The following RRP12 variants were observed in gnomAD, a reference collection of about 807,000 sequenced individuals.
RRP12 encodes the protein RRP12-like protein.
A neutral mutation model predicts 157.3 loss-of-function variants in RRP12; 78 were observed. That is an observed-to-expected ratio of 0.50 (90% confidence interval 0.41 to 0.60). RRP12 has a LOEUF of 0.60. Among genes scored for constraint, RRP12 ranks in the 20% least tolerant of loss-of-function variants. The pLI is 0.00. For synonymous variants in RRP12, 726 were observed against 670.9 expected, an observed-to-expected ratio of 1.08 and a Z score of -1.27; for missense variants, 1,521 against 1,679.9, an observed-to-expected ratio of 0.91 and a Z score of 1.65.
chr10:97,400,225 A>G, intron 2 of RRP12, 80 bp downstream of exon 2: 1 of 1,005,732 alleles, frequency 9.9e-7, no homozygotes, highest in Non-Finnish European at 1.6e-6. Context: ...GTCATCGGAG[A>G]CCTGTCGGCC....
intron 29 of RRP12, among the ~76,000 whole-genome samples, chr10:97,364,359 T>C (rs937992984): frequency 1.3e-5 from 2 of 152,140 alleles, no homozygotes; most frequent in African/African-American, 2.4e-5. Flanking sequence ...ATATAAAGTA[T>C]GAAACTGACC....
chr10:97,358,097 G>A (rs1843756565), intron 33 of RRP12, among the ~76,000 whole-genome samples: 1 of 152,172 alleles, frequency 6.6e-6, no homozygotes, highest in South Asian at 2.1e-4. Context: ...CACTTTGGGA[G>A]GCTGAGGCAT....
At chr10:97,371,822 G>A (rs1298766202) in intron 20 of RRP12, 2 of 420,342 alleles carry the variant, frequency 4.8e-6, no homozygotes, top group Non-Finnish European at 8.8e-6. Flanking sequence ...AGGCAAAGGA[G>A]CATGGCCTTG....
intron 20 of RRP12, 154 bp downstream of exon 20, chr10:97,371,919 C>T (rs12269603): frequency 0.031 from 18,464 of 592,338 alleles, 2,038 homozygotes; most frequent in African/African-American, 0.27. Context: ...ATGGGCTACA[C>T]AGGACACAAA....
chr10:97,381,883 C>G (rs1338127714), intron 10 of RRP12, 57 bp from the exon 11 acceptor site: 1 of 1,322,344 alleles, frequency 7.6e-7, no homozygotes, highest in East Asian at 2.3e-5. Flanking sequence ...ACCCGGGCAA[C>G]CAGGGCTCAG....
chr10:97,371,184 TG>T, intron 20 of RRP12, 103 bp from the exon 21 acceptor site: 1 of 1,236,878 alleles, frequency 8.1e-7, no homozygotes. Flanking sequence ...CAGGGGTCCG[TG>T]GGGGCTCATG....
chr10:97,372,093 T>G lies in RRP12; in HGVS notation c.2323A>C (p.Thr775Pro), dbSNP rs760716087. The G allele has an allele frequency of 3.5e-5, 57 of 1,612,802 alleles. No individual in the cohort carries two copies. Among genetic ancestry groups the G allele is most frequent in the Non-Finnish European group, 4.4e-5 (52 of 1,179,462 alleles). Residue 775 changes from threonine to proline, a missense_variant, in exon 20 of 34, where the codon ACC becomes CCC. By Grantham distance (38) the Thr-to-Pro change is conservative. Coordinates refer to ENST00000370992, the MANE Select transcript of RRP12 (RefSeq NM_015179.4). ...CTCACCTCTAGGTAGGGCCGGATGG[T>G]GGAGTATAGCTTACTGATGGCAGCT... ...DEAAISKLYS[T>P]IRPYLESKAH...
At chr10:97,400,827 G>A (rs1331692707) in intron 1 of RRP12, among the ~76,000 whole-genome samples, 1 of 152,184 alleles carries the variant, frequency 6.6e-6, no homozygotes, top group African/African-American at 2.4e-5. Context: ...AACGCGCTCT[G>A]TAAAGAGCTA....
intron 11 of RRP12, 21 bp downstream of exon 11, chr10:97,381,694 C>T (rs769989152): frequency 1.9e-6 from 3 of 1,593,276 alleles, no homozygotes; most frequent in Admixed American, 1.7e-5. Flanking sequence ...CTCTCTGCTT[C>T]CTCAGCTAAA....
intron 3 of RRP12, among the ~76,000 whole-genome samples, chr10:97,394,351 T>A (rs1373859154): frequency 2.0e-5 from 3 of 151,756 alleles, no homozygotes; most frequent in South Asian, 2.1e-4. Context: ...TCAAAAAAAA[T>A]AAATAAATAA....
At chr10:97,365,928 G>A (rs1203879257) in intron 29 of RRP12, 180 bp downstream of exon 29, 2 of 774,972 alleles carry the variant, frequency 2.6e-6, no homozygotes, top group African/African-American at 3.5e-5. Context: ...AAATGGCTCG[G>A]TTACAACATA....
Position 97,396,226 on chromosome 10 carries a change from C to T in RRP12, c.445G>A (p.Ala149Thr), listed in dbSNP as rs201484063. 20 of 1,611,630 alleles carry T rather than the reference C, an allele frequency of 1.2e-5. No homozygotes were observed. The highest frequency in any genetic ancestry group is 1.6e-5 in the Non-Finnish European group (19 of 1,177,884). Reference sequence around the variant, plus strand: ...CAGTGGCACCCACTCACCAGAGCAGCGAAGTACTCAGTCTCCGTCTCCTTC... The same window carrying T: ...CAGTGGCACCCACTCACCAGAGCAGTGAAGTACTCAGTCTCCGTCTCCTTC... ...GGKETETEYF[A>T]ALMTTMEAVE... The change falls in exon 3 of 34, where the codon GCT becomes ACT. Residue 149 changes from alanine to threonine, a missense_variant. By Grantham distance (58) the Ala-to-Thr change is moderately conservative (BLOSUM62 0). Coordinates refer to ENST00000370992, the MANE Select transcript of RRP12 (RefSeq NM_015179.4).
intron 20 of RRP12, 143 bp from the exon 21 acceptor site, chr10:97,371,224 G>T: frequency 1.2e-6 from 1 of 864,636 alleles, no homozygotes; most frequent in Non-Finnish European, 1.8e-6. Context: ...GTGGAATGTG[G>T]ACAGCGAGTG....
At chr10:97,365,020 G>A (rs1235587318) in intron 29 of RRP12, among the ~76,000 whole-genome samples, 3 of 152,106 alleles carry the variant, frequency 2.0e-5, no homozygotes, top group Non-Finnish European at 4.4e-5. Context: ...TACATACGCT[G>A]TCCCCATTAC....
chr10:97,381,444 T>C lies in RRP12; in HGVS notation c.1360A>G (p.Ile454Val), dbSNP rs149977741. Residue 454 changes from isoleucine (I) to valine (V), a missense_variant, in exon 12 of 34, where the codon ATT becomes GTT. Coordinates refer to ENST00000370992, the MANE Select transcript of RRP12 (RefSeq NM_015179.4). ...KECVAPHMAD[I>V]GSVTSSASGP... The stretch of plus-strand genomic sequence containing the variant: ...GAGGCCGAGGAGGTCACGGAGCCAA[T>C]GTCAGCCATGTGGGGAGCCACGCAT... 1.8e-4 allele frequency: 294 copies of C among 1,613,410 alleles called. 2 individuals carry two copies. The African/African-American group carries it at 3.4e-3, about 19-fold the overall frequency.
intron 6 of RRP12, among the ~76,000 whole-genome samples, chr10:97,389,892 T>A (rs1261685258): frequency 6.6e-6 from 1 of 152,090 alleles, no homozygotes; most frequent in Non-Finnish European, 1.5e-5. Context: ...TTTATATTTT[T>A]AGTAGAGTCG....
At chr10:97,373,335 T>G in intron 17 of RRP12, 135 bp from the exon 18 acceptor site, 1 of 1,052,978 alleles carries the variant, frequency 9.5e-7, no homozygotes, top group Admixed American at 2.7e-5. Context: ...GGGCTCTCTG[T>G]GGCAGAAGCT....
At chr10:97,366,081 A>G (rs1214772811) in intron 29 of RRP12, 27 bp downstream of exon 29, 1 of 1,600,404 alleles carries the variant, frequency 6.2e-7, no homozygotes, top group Non-Finnish European at 8.5e-7. Context: ...AACACGGTGA[A>G]TGAATGGACA....
At chr10:97,359,378 C>A (rs966781828) in intron 31 of RRP12, among the ~76,000 whole-genome samples, 2 of 152,260 alleles carry the variant, frequency 1.3e-5, no homozygotes, top group African/African-American at 4.8e-5. Context: ...ACAGCTCCAA[C>A]CTCAGGCAAG....
Sources: gnomAD v4.1 joint callset for allele counts (sites outside exome capture counted in the v4.1 genomes callset) on GRCh38, gnomAD v4.1.1 for gene constraint, MANE v1.5 for transcripts, NCBI Gene and HGNC (gene_info 2026-07-23, HGNC 2026-07-21) for gene names.